MAF: variants seen among roughly 807,000 people sequenced by gnomAD.
The protein encoded by MAF is MAF bZIP transcription factor.
In MAF, 10 loss-of-function variants were observed where a neutral mutation model predicts 22.0. The ratio of observed to expected loss-of-function variants is 0.45; its 90% CI spans 0.28 to 0.77. MAF has a LOEUF of 0.77. Ranked by LOEUF, MAF falls within the 30% of genes least tolerant of loss-of-function variation. MAF has a pLI of 0.12. For missense variants in MAF, 544 were observed against 548.4 expected (o/e 0.99, Z 0.08); for synonymous variants, 337 against 255.8 (o/e 1.32, Z -3.03).
the MAF span, among the ~76,000 whole-genome samples, chr16:79,442,751 A>G: frequency 6.6e-6 from 1 of 152,234 alleles, no homozygotes; most frequent in Non-Finnish European, 1.5e-5. Flanking sequence ...CCCAGTAGCC[A>G]GTGTGGCTGA....
At chr16:79,511,920 A>G in the MAF span, among the ~76,000 whole-genome samples, 1 of 152,170 alleles carries the variant, frequency 6.6e-6, no homozygotes, top group Non-Finnish European at 1.5e-5. Context: ...GATTAGCTGC[A>G]GCAAAATACC....
chr16:79,486,286 T>C, the MAF span, among the ~76,000 whole-genome samples: 1 of 152,196 alleles, frequency 6.6e-6, no homozygotes, highest in African/African-American at 2.4e-5. Context: ...ATGAAATTTA[T>C]GTAAAATAAA....
the MAF span, among the ~76,000 whole-genome samples, chr16:79,319,767 C>G: frequency 4.6e-5 from 7 of 152,300 alleles, no homozygotes; most frequent in African/African-American, 1.7e-4. Flanking sequence ...CAGGGTGATT[C>G]TCTGCTTTCC....
chr16:79,309,378 C>T, the MAF span, among the ~76,000 whole-genome samples: 1 of 152,316 alleles, frequency 6.6e-6, no homozygotes, highest in Non-Finnish European at 1.5e-5. Flanking sequence ...CTGGCCTCCC[C>T]ACCTTCATCT....
At chr16:79,351,813 T>G in the MAF span, among the ~76,000 whole-genome samples, 1 of 152,142 alleles carries the variant, frequency 6.6e-6, no homozygotes, top group African/African-American at 2.4e-5. Flanking sequence ...ACACAATTGT[T>G]GCCTCAACAC....
the MAF span, among the ~76,000 whole-genome samples, chr16:79,446,468 C>T: frequency 2.6e-5 from 4 of 152,072 alleles, no homozygotes; most frequent in African/African-American, 9.7e-5. Flanking sequence ...AGAAGTGACC[C>T]TGTTTGGGTG....
the MAF span, among the ~76,000 whole-genome samples, chr16:79,257,069 C>T: frequency 2.6e-5 from 4 of 151,912 alleles, no homozygotes; most frequent in South Asian, 2.1e-4. Flanking sequence ...CTTGGTTACT[C>T]GGGAGGCTGA....
At chr16:79,358,752 C>T in the MAF span, among the ~76,000 whole-genome samples, 1 of 152,188 alleles carries the variant, frequency 6.6e-6, no homozygotes, top group South Asian at 2.1e-4. Flanking sequence ...TATCATGAAA[C>T]AAGTATGCCT....
the MAF span, among the ~76,000 whole-genome samples, chr16:79,250,365 ACTGAC>A: frequency 2.0e-5 from 3 of 152,242 alleles, no homozygotes; most frequent in African/African-American, 7.2e-5. Context: ...AGAAGGTCAA[ACTGAC>A]CTCTCCGCAA....
At chr16:79,589,112 G>C (rs572724234), downstream of MAF, among the ~76,000 whole-genome samples, 2 of 152,074 alleles carry the variant, frequency 1.3e-5, no homozygotes, top group African/African-American at 4.8e-5. Context: ...TTTTTTTAAG[G>C]TGTAACGATA....
the MAF span, among the ~76,000 whole-genome samples, chr16:79,330,128 A>T: frequency 6.6e-6 from 1 of 152,312 alleles, no homozygotes; most frequent in South Asian, 2.1e-4. Context: ...TGGGCTGCAA[A>T]GGCTCTCATC....
At chr16:79,448,705 A>G in the MAF span, among the ~76,000 whole-genome samples, 4 of 152,034 alleles carry the variant, frequency 2.6e-5, no homozygotes, top group Non-Finnish European at 5.9e-5. Context: ...GATTACAGGC[A>G]TGAGCCACTG....
the MAF span, among the ~76,000 whole-genome samples, chr16:79,299,907 T>G: frequency 1.5e-4 from 23 of 152,304 alleles, no homozygotes; most frequent in Non-Finnish European, 1.3e-4. Flanking sequence ...ACCCTAAAAA[T>G]TCGAACTCTT....
the MAF span, among the ~76,000 whole-genome samples, chr16:79,324,074 T>G: frequency 6.6e-6 from 1 of 152,218 alleles, no homozygotes; most frequent in Non-Finnish European, 1.5e-5. Context: ...CAGAGCATGC[T>G]CTCAGTAAAG....
intron 1 of MAF, chr16:79,595,623 GT>G: frequency 9.4e-7 from 1 of 1,058,350 alleles, no homozygotes; most frequent in African/African-American, 1.6e-5. Flanking sequence ...AGTGAAGGTA[GT>G]TTTGAGTCTT....
the MAF span, among the ~76,000 whole-genome samples, chr16:79,449,389 A>C: frequency 1.3e-5 from 2 of 152,152 alleles, no homozygotes; most frequent in African/African-American, 4.8e-5. Context: ...CATGTGACTC[A>C]CTTAATTACT....
At chr16:79,325,324 G>A in the MAF span, among the ~76,000 whole-genome samples, 4 of 152,172 alleles carry the variant, frequency 2.6e-5, no homozygotes, top group South Asian at 4.2e-4. Flanking sequence ...GCATTATCAC[G>A]TGCTTCCAGC....
the MAF span, among the ~76,000 whole-genome samples, chr16:79,209,178 A>G: frequency 6.6e-6 from 1 of 152,224 alleles, no homozygotes; most frequent in Non-Finnish European, 1.5e-5. Context: ...TCAGCATTGT[A>G]GCCAAATGTA....
At chr16:79,262,136 C>A in the MAF span, among the ~76,000 whole-genome samples, 2 of 152,112 alleles carry the variant, frequency 1.3e-5, no homozygotes, top group Non-Finnish European at 2.9e-5. Context: ...ACAGCAGGAG[C>A]TTTACATATG....
Sources: allele counts gnomAD v4.1 joint callset (sites outside exome capture counted in the v4.1 genomes callset), GRCh38; gene constraint gnomAD v4.1.1; transcripts MANE v1.5; gene names NCBI Gene and HGNC (gene_info 2026-07-23, HGNC 2026-07-21).